Variants in HEMK2 observed in about 807,000 individuals in gnomAD.
The protein encoded by HEMK2 is methyltransferase HEMK2.
the HEMK2 span, among the ~76,000 whole-genome samples, chr21:28,786,788 T>C: frequency 5.3e-5 from 8 of 152,074 alleles, no homozygotes; most frequent in South Asian, 6.2e-4. Flanking sequence ...CTTTTCTACA[T>C]AGATAATAGT....
the HEMK2 span, among the ~76,000 whole-genome samples, chr21:28,739,908 C>A: frequency 6.6e-6 from 1 of 152,016 alleles, no homozygotes; most frequent in Non-Finnish European, 1.5e-5. Context: ...AAATTTTTCC[C>A]GAAAGACCTC....
At chr21:28,699,814 G>A in the HEMK2 span, among the ~76,000 whole-genome samples, 74 of 152,306 alleles carry the variant, frequency 4.9e-4, no homozygotes, top group African/African-American at 1.7e-3. Context: ...TTCAGATAGG[G>A]TTTCGTCATG....
At chr21:28,812,309 T>C in the HEMK2 span, among the ~76,000 whole-genome samples, 1 of 152,210 alleles carries the variant, frequency 6.6e-6, no homozygotes, top group South Asian at 2.1e-4. Context: ...TATTTTGAGA[T>C]ACATTCCATC....
chr21:28,841,278 TATATATA>T, the HEMK2 span, among the ~76,000 whole-genome samples: 2 of 6,566 alleles, frequency 3.0e-4, 1 homozygote, highest in Non-Finnish European at 3.8e-4. Flanking sequence ...TATTATATAT[TATATATA>T]ATATATATTA....
chr21:28,599,230 C>T, the HEMK2 span, among the ~76,000 whole-genome samples: 4 of 152,080 alleles, frequency 2.6e-5, no homozygotes, highest in African/African-American at 7.2e-5. Context: ...TGTATTAGTC[C>T]GTTTTCATGC....
the HEMK2 span, among the ~76,000 whole-genome samples, chr21:28,722,821 T>A: frequency 6.6e-6 from 1 of 151,392 alleles, no homozygotes; most frequent in South Asian, 2.1e-4. Context: ...AAGGCGGAGG[T>A]TGTGGTGAGC....
At chr21:28,766,680 G>A in the HEMK2 span, among the ~76,000 whole-genome samples, 2 of 152,024 alleles carry the variant, frequency 1.3e-5, no homozygotes, top group Admixed American at 6.6e-5. Flanking sequence ...GCCATAAAAA[G>A]GAAGGAAATA....
At chr21:28,817,048 G>C in the HEMK2 span, among the ~76,000 whole-genome samples, 1 of 152,108 alleles carries the variant, frequency 6.6e-6, no homozygotes, top group Non-Finnish European at 1.5e-5. Context: ...CAGTGAAAAA[G>C]AAAATGCTAA....
chr21:28,799,762 A>C, the HEMK2 span, among the ~76,000 whole-genome samples: 5 of 152,230 alleles, frequency 3.3e-5, no homozygotes, highest in African/African-American at 1.2e-4. Flanking sequence ...CTATGTGAAT[A>C]CAAAATATTA....
the HEMK2 span, among the ~76,000 whole-genome samples, chr21:28,681,193 C>T: frequency 1.1e-4 from 16 of 152,192 alleles, no homozygotes; most frequent in African/African-American, 2.7e-4. Flanking sequence ...TGATAAGCAA[C>T]TTCAGCAAAG....
the HEMK2 span, among the ~76,000 whole-genome samples, chr21:28,823,463 T>G: frequency 6.6e-6 from 1 of 152,340 alleles, no homozygotes; most frequent in East Asian, 1.9e-4. Flanking sequence ...CTAATTTCTT[T>G]TGGCTGGTGC....
the HEMK2 span, among the ~76,000 whole-genome samples, chr21:28,701,994 A>G: frequency 1.3e-5 from 2 of 152,132 alleles, no homozygotes; most frequent in Non-Finnish European, 2.9e-5. Flanking sequence ...ACACAGACCA[A>G]TAAAAGAGAA....
chr21:28,703,882 C>T, the HEMK2 span, among the ~76,000 whole-genome samples: 6 of 152,126 alleles, frequency 3.9e-5, no homozygotes, highest in Non-Finnish European at 8.8e-5. Context: ...ACATATTTTC[C>T]ATCCTTCTCT....
At chr21:28,590,927 G>C in the HEMK2 span, among the ~76,000 whole-genome samples, 1 of 152,168 alleles carries the variant, frequency 6.6e-6, no homozygotes, top group Admixed American at 6.5e-5. Flanking sequence ...TGTTTTCAAG[G>C]AGTGAATTTC....
chr21:28,608,468 T>C, the HEMK2 span, among the ~76,000 whole-genome samples: 18 of 151,094 alleles, frequency 1.2e-4, no homozygotes, highest in East Asian at 3.1e-3. Context: ...CCCACTCAGA[T>C]GGACAGAGCA....
At chr21:28,699,825 C>A in the HEMK2 span, among the ~76,000 whole-genome samples, 1 of 152,138 alleles carries the variant, frequency 6.6e-6, no homozygotes, top group African/African-American at 2.4e-5. Flanking sequence ...TTTCGTCATG[C>A]CCCATGAAAT....
At chr21:28,651,717 C>A in the HEMK2 span, among the ~76,000 whole-genome samples, 1 of 152,174 alleles carries the variant, frequency 6.6e-6, no homozygotes, top group Non-Finnish European at 1.5e-5. Context: ...TCTATATCAA[C>A]CACCTCAGAG....
At chr21:28,582,522 C>A in the HEMK2 span, among the ~76,000 whole-genome samples, 1 of 151,978 alleles carries the variant, frequency 6.6e-6, no homozygotes, top group Non-Finnish European at 1.5e-5. Flanking sequence ...GAGGAGTCAC[C>A]CTCTAAAGTT....
the HEMK2 span, among the ~76,000 whole-genome samples, chr21:28,603,977 C>T: frequency 6.6e-6 from 1 of 152,212 alleles, no homozygotes; most frequent in Non-Finnish European, 1.5e-5. Context: ...TCTGCGTACT[C>T]ATCTGGTCCA....
Sources: allele counts gnomAD v4.1 joint callset (sites outside exome capture counted in the v4.1 genomes callset), GRCh38; gene constraint gnomAD v4.1.1; transcripts MANE v1.5; gene names NCBI Gene and HGNC (gene_info 2026-07-23, HGNC 2026-07-21).